Variants in TENM4 observed in about 807,000 individuals in gnomAD.
TENM4 encodes the protein teneurin-4.
TENM4 carries 82 observed loss-of-function variants against 243.3 expected under a neutral mutation model. The observed-to-expected ratio is 0.34, with a 90% confidence interval of 0.28 to 0.40. The LOEUF (loss-of-function observed/expected upper bound fraction) is 0.40, where lower values mean the gene tolerates loss of function less well. Ranked by LOEUF, TENM4 falls within the 10% of genes least tolerant of loss-of-function variation. The pLI, the probability that TENM4 is intolerant of heterozygous loss-of-function variation, is 1.00. For synonymous variants in TENM4, 1,412 were observed against 1,456.3 expected (o/e 0.97, Z 0.69); for missense variants, 3,138 against 3,673.3 (o/e 0.85, Z 3.77).
At chr11:78,868,069 C>T (rs1859028441) in intron 9 of TENM4, among the ~76,000 whole-genome samples, 1 of 64,136 alleles carries the variant, frequency 1.6e-5, no homozygotes, top group Admixed American at 2.0e-4. Context: ...AAGACAGAGC[C>T]ACAGATTAAA....
At chr11:79,273,388 G>A (rs1188669317) in intron 2 of TENM4, among the ~76,000 whole-genome samples, 2 of 152,198 alleles carry the variant, frequency 1.3e-5, no homozygotes, top group Non-Finnish European at 2.9e-5. Flanking sequence ...CTCTTAGGTA[G>A]AGGATGCTGA....
chr11:78,920,314 T>C (rs1856421551), intron 6 of TENM4, among the ~76,000 whole-genome samples: 1 of 152,218 alleles, frequency 6.6e-6, no homozygotes, highest in African/African-American at 2.4e-5. Flanking sequence ...AGAGATGTTT[T>C]AAAATATAAT....
chr11:79,422,109 C>G (rs1243163890), intron 1 of TENM4: 8 of 154,092 alleles, frequency 5.2e-5, no homozygotes, highest in African/African-American at 1.9e-4. Context: ...TCTCAGTGCT[C>G]AACCTTCTGA....
chr11:79,222,503 T>C (rs1475014282), intron 2 of TENM4, among the ~76,000 whole-genome samples: 1 of 152,240 alleles, frequency 6.6e-6, no homozygotes, highest in Non-Finnish European at 1.5e-5. Context: ...ATGATTTATA[T>C]TCCTTTGGGT....
chr11:78,824,712 C>T (rs1857813814), intron 12 of TENM4, among the ~76,000 whole-genome samples: 1 of 151,878 alleles, frequency 6.6e-6, no homozygotes, highest in Admixed American at 6.6e-5. Context: ...CAATGTTGCC[C>T]AGGCTAGTCT....
intron 1 of TENM4, among the ~76,000 whole-genome samples, chr11:79,393,359 C>T (rs1183321385): frequency 6.6e-6 from 1 of 152,128 alleles, no homozygotes; most frequent in Non-Finnish European, 1.5e-5. Context: ...AGATATCTCT[C>T]TGGGTCTCCG....
At chr11:78,784,448 C>T (rs1856895408) in intron 16 of TENM4, among the ~76,000 whole-genome samples, 1 of 152,036 alleles carries the variant, frequency 6.6e-6, no homozygotes, top group Admixed American at 6.5e-5. Context: ...CGCAGCTGGC[C>T]ACGGGCAGAG....
In TENM4 at chr11:79,125,532, A is replaced by G. The variant is rs574840938; in HGVS notation, c.-66+23178T>C. Among the ~76,000 whole-genome samples, 6 of 152,300 alleles carry G rather than the reference A, an allele frequency of 3.9e-5. No homozygotes were observed. The South Asian group carries it at 1.2e-3, about 32-fold the overall frequency. On this transcript the variant is annotated intron_variant, in intron 4 of 33. Coordinates refer to ENST00000278550, the MANE Select transcript of TENM4 (RefSeq NM_001098816.3). ...ACGGTTAAAGTGAAGGCATTGATTG[A>G]AAAAGAATGGGACCCTGCAACTTGG...
rs1407223960 is a variant in TENM4, at chr11:79,304,799, A to G, written c.-320-7256T>C. Among the ~76,000 whole-genome samples, 4 of 152,306 alleles carry G rather than the reference A, an allele frequency of 2.6e-5. No individual in the cohort carries two copies. In the East Asian group the frequency reaches 7.7e-4, roughly 29 times the overall value. On this transcript the variant is annotated intron_variant, in intron 1 of 33. Coordinates refer to ENST00000278550, the MANE Select transcript of TENM4 (RefSeq NM_001098816.3). ...CTCTCATCACAGCTGCCTCCGCTGC[A>G]GGTGCTCCCCAGCTGAAGACACTCT...
At chr11:79,182,465 A>G (rs1231350526) in intron 3 of TENM4, among the ~76,000 whole-genome samples, 3 of 152,202 alleles carry the variant, frequency 2.0e-5, no homozygotes, top group Non-Finnish European at 4.4e-5. Context: ...CAAAACTACA[A>G]AACACCAAGT....
At chr11:79,318,238 A>T (rs1170228436) in intron 1 of TENM4, among the ~76,000 whole-genome samples, 2 of 152,316 alleles carry the variant, frequency 1.3e-5, no homozygotes, top group East Asian at 1.9e-4. Context: ...CAGGGGGGAT[A>T]AAAAGGCACC....
At chr11:78,871,227 T>G (rs1319220999) in intron 9 of TENM4, among the ~76,000 whole-genome samples, 1 of 152,224 alleles carries the variant, frequency 6.6e-6, no homozygotes, top group Non-Finnish European at 1.5e-5. Flanking sequence ...TTTCCCCATC[T>G]ATAAGACGGT....
chr11:79,412,871 C>T (rs1450098360), intron 1 of TENM4, among the ~76,000 whole-genome samples: 3 of 152,186 alleles, frequency 2.0e-5, no homozygotes, highest in Non-Finnish European at 2.9e-5. Context: ...ATCTTCTTTG[C>T]ACCACAGCCA....
intron 18 of TENM4, 124 bp from the exon 19 acceptor site, chr11:78,757,145 T>A: frequency 9.8e-7 from 1 of 1,018,750 alleles, no homozygotes; most frequent in Middle Eastern, 2.7e-4. Context: ...AATGCTGATA[T>A]AAGCCAAAGT....
chr11:78,816,920 G>C (rs1417328695), intron 12 of TENM4, among the ~76,000 whole-genome samples: 1 of 152,226 alleles, frequency 6.6e-6, no homozygotes, highest in Non-Finnish European at 1.5e-5. Flanking sequence ...TTAGTACCAT[G>C]ATCTGTGACC....
intron 6 of TENM4, among the ~76,000 whole-genome samples, chr11:79,023,086 C>T (rs1442096107): frequency 6.6e-6 from 1 of 152,102 alleles, no homozygotes; most frequent in Non-Finnish European, 1.5e-5. Context: ...ACTAACATAA[C>T]CACTTCATTT....
intron 6 of TENM4, among the ~76,000 whole-genome samples, chr11:79,056,420 T>C (rs769493525): frequency 3.3e-5 from 5 of 151,926 alleles, no homozygotes; most frequent in Non-Finnish European, 7.4e-5. Context: ...GAAGCGGTTA[T>C]GGGGTGCATT....
intron 3 of TENM4, among the ~76,000 whole-genome samples, chr11:79,200,007 C>A (rs1264157048): frequency 6.6e-6 from 1 of 152,194 alleles, no homozygotes. Flanking sequence ...TGATAAGCAA[C>A]TTCCCAGGCA....
chr11:79,367,021 G>T (rs1857689841), intron 1 of TENM4, among the ~76,000 whole-genome samples: 1 of 152,048 alleles, frequency 6.6e-6, no homozygotes, highest in Non-Finnish European at 1.5e-5. Context: ...TACATATCTT[G>T]GGCAAAAATG....
Sources: allele counts gnomAD v4.1 joint callset (sites outside exome capture counted in the v4.1 genomes callset), GRCh38; gene constraint gnomAD v4.1.1; transcripts MANE v1.5; gene names NCBI Gene and HGNC (gene_info 2026-07-23, HGNC 2026-07-21).